Variants in NCKAP5 observed in about 807,000 individuals in gnomAD.
The protein encoded by NCKAP5 is nck-associated protein 5.
NCKAP5 carries 92 observed loss-of-function variants against 167.0 expected under a neutral mutation model. The observed-to-expected ratio is 0.55, with a 90% confidence interval of 0.47 to 0.66. The LOEUF is 0.66. Ranked by LOEUF, NCKAP5 falls within the 30% of genes least tolerant of loss-of-function variation. The pLI, the probability that NCKAP5 is intolerant of heterozygous loss-of-function variation, is 0.00. For synonymous variants in NCKAP5, 891 were observed against 877.4 expected, an observed-to-expected ratio of 1.02 and a Z score of -0.27; for missense variants, 2,378 against 2,315.0, an observed-to-expected ratio of 1.03 and a Z score of -0.56.
At chr2:133,580,021 T>G in the NCKAP5 span, among the ~76,000 whole-genome samples, 3 of 152,204 alleles carry the variant, frequency 2.0e-5, no homozygotes, top group African/African-American at 7.2e-5. Context: ...TCAACTGTGG[T>G]GCTGCAGAGA....
intron 3 of NCKAP5, among the ~76,000 whole-genome samples, chr2:133,303,826 G>C (rs893178102): frequency 6.6e-6 from 1 of 152,086 alleles, no homozygotes; most frequent in East Asian, 1.9e-4. Context: ...AAAATCCATA[G>C]GTTATTACAA....
At chr2:133,647,867 G>A in the NCKAP5 span, among the ~76,000 whole-genome samples, 2 of 152,000 alleles carry the variant, frequency 1.3e-5, no homozygotes, top group Admixed American at 1.3e-4. Context: ...ACTTACAAAT[G>A]GCAATAGCAA....
At chr2:132,891,218 A>T (rs1692675515) in intron 8 of NCKAP5, among the ~76,000 whole-genome samples, 1 of 152,158 alleles carries the variant, frequency 6.6e-6, no homozygotes. Flanking sequence ...GTGCATTGGA[A>T]TCACTTGGGG....
At chr2:132,872,064 C>G (rs954300637) in intron 9 of NCKAP5, among the ~76,000 whole-genome samples, 1 of 152,212 alleles carries the variant, frequency 6.6e-6, no homozygotes, top group African/African-American at 2.4e-5. Context: ...CAAATCACTT[C>G]CAATGTCATC....
chr2:133,416,157 C>T lies in NCKAP5; in HGVS notation c.69+101301G>A, dbSNP rs117876497. Among the ~76,000 whole-genome samples, 302 of 152,306 alleles carry T rather than the reference C, an allele frequency of 2.0e-3. 5 individuals carry two copies. In the East Asian group the frequency reaches 0.047, roughly 24 times the overall value. On this transcript the variant is annotated intron_variant, in intron 3 of 19. Transcript: ENST00000409261. ...ATACATTAAACAAATATCTAGAAAACACCTCCTCTATGCCAGGCGCTCTGT... is the reference window on the plus strand; with the variant it reads ...ATACATTAAACAAATATCTAGAAAATACCTCCTCTATGCCAGGCGCTCTGT...
At chr2:133,220,174 G>A (rs1487240395) in intron 4 of NCKAP5, among the ~76,000 whole-genome samples, 1 of 152,190 alleles carries the variant, frequency 6.6e-6, no homozygotes, top group Non-Finnish European at 1.5e-5. Flanking sequence ...ACAGACAACT[G>A]TGCTTCTGCA....
intron 4 of NCKAP5, among the ~76,000 whole-genome samples, chr2:133,299,599 A>T (rs1680219682): frequency 6.6e-6 from 1 of 152,128 alleles, no homozygotes; most frequent in African/African-American, 2.4e-5. Context: ...ATACAAAAAA[A>T]AATTAGCCGA....
intron 6 of NCKAP5, among the ~76,000 whole-genome samples, chr2:133,127,264 C>A (rs908782856): frequency 6.6e-6 from 1 of 152,116 alleles, no homozygotes; most frequent in African/African-American, 2.4e-5. Context: ...AAAGTTTAAA[C>A]TGTGAAAGGC....
the NCKAP5 span, among the ~76,000 whole-genome samples, chr2:133,606,369 CG>C: frequency 2.0e-5 from 3 of 152,150 alleles, no homozygotes; most frequent in Admixed American, 2.0e-4. Context: ...AAGAACTTAC[CG>C]AACACCCCCT....
chr2:132,939,187 C>T (rs1188940122), intron 8 of NCKAP5, among the ~76,000 whole-genome samples: 1 of 152,098 alleles, frequency 6.6e-6, no homozygotes, highest in Non-Finnish European at 1.5e-5. Context: ...AAGTCTTCTC[C>T]CCACAGCTTA....
At chr2:133,612,405 C>A in the NCKAP5 span, among the ~76,000 whole-genome samples, 1 of 152,106 alleles carries the variant, frequency 6.6e-6, no homozygotes, top group Non-Finnish European at 1.5e-5. Flanking sequence ...TTCTTTATCC[C>A]AGTATGGATT....
chr2:132,904,732 G>T (rs1314712080), intron 8 of NCKAP5, among the ~76,000 whole-genome samples: 1 of 151,984 alleles, frequency 6.6e-6, no homozygotes, highest in Non-Finnish European at 1.5e-5. Flanking sequence ...TTATTGCCTT[G>T]GTCTCATGTG....
intron 11 of NCKAP5, 44 bp downstream of exon 11, chr2:132,860,448 A>G: frequency 6.5e-7 from 1 of 1,548,026 alleles, no homozygotes; most frequent in Non-Finnish European, 8.7e-7. Flanking sequence ...CTTCCTGTCA[A>G]TAGCATTTCA....
chr2:133,170,929 C>G (rs1250537126), intron 5 of NCKAP5, among the ~76,000 whole-genome samples: 1 of 152,104 alleles, frequency 6.6e-6, no homozygotes, highest in Non-Finnish European at 1.5e-5. Context: ...TCCTGGTTTA[C>G]TCAGGTGACA....
chr2:133,558,815 C>T (rs929351458), intron 2 of NCKAP5, among the ~76,000 whole-genome samples: 6 of 147,588 alleles, frequency 4.1e-5, no homozygotes, highest in African/African-American at 1.5e-4. Flanking sequence ...TTTGGAGTGG[C>T]AAATACTCAT....
intron 3 of NCKAP5, among the ~76,000 whole-genome samples, chr2:133,358,738 T>C (rs1274865973): frequency 1.3e-5 from 2 of 152,220 alleles, no homozygotes; most frequent in Non-Finnish European, 2.9e-5. Flanking sequence ...TCTTCAGAAT[T>C]ATAGAGTAGT....
At chr2:132,780,055 GT>G (rs1485609593) in intron 15 of NCKAP5, among the ~76,000 whole-genome samples, 6 of 152,140 alleles carry the variant, frequency 3.9e-5, no homozygotes, top group Admixed American at 3.9e-4. Flanking sequence ...CATGAAGAAT[GT>G]ACAGAGAGTA....
intron 3 of NCKAP5, among the ~76,000 whole-genome samples, chr2:133,435,990 A>G (rs1309444706): frequency 6.6e-6 from 1 of 152,196 alleles, no homozygotes; most frequent in Non-Finnish European, 1.5e-5. Flanking sequence ...TTGTTAGTTC[A>G]GTTTGAGGCA....
chr2:133,579,710 C>A, the NCKAP5 span, among the ~76,000 whole-genome samples: 1 of 152,168 alleles, frequency 6.6e-6, no homozygotes, highest in Admixed American at 6.5e-5. Context: ...TCATCCAACC[C>A]ATGGCAATAA....
Sources: allele counts gnomAD v4.1 joint callset (sites outside exome capture counted in the v4.1 genomes callset), GRCh38; gene constraint gnomAD v4.1.1; transcripts MANE v1.5; gene names NCBI Gene and HGNC (gene_info 2026-07-23, HGNC 2026-07-21).